USH2A: variants seen among roughly 807,000 people sequenced by gnomAD.
USH2A encodes usherin.
In USH2A, 443 loss-of-function variants were observed where a neutral mutation model predicts 538.9. The ratio of observed to expected loss-of-function variants is 0.82; its 90% CI spans 0.76 to 0.89. The LOEUF is 0.89. USH2A is among the 40% of genes least tolerant of loss of function. The pLI, the probability that USH2A is intolerant of heterozygous loss-of-function variation, is 0.00. For missense variants in USH2A, 6,633 were observed against 6,324.8 expected (o/e 1.05, Z -1.65); for synonymous variants, 2,413 against 2,273.5 (o/e 1.06, Z -1.75).
chr1:215,627,411 TC>T (rs1470187240), intron 71 of USH2A, among the ~76,000 whole-genome samples: 13 of 109,620 alleles, frequency 1.2e-4, no homozygotes, highest in Middle Eastern at 4.0e-3. Flanking sequence ...CTTCCTTCCT[TC>T]CTTCCTTCCT....
chr1:216,014,650 A>C (rs1217646956), intron 32 of USH2A, among the ~76,000 whole-genome samples: 1 of 152,226 alleles, frequency 6.6e-6, no homozygotes, highest in Non-Finnish European at 1.5e-5. Context: ...CATCATTTGC[A>C]TAAGATCAAA....
In USH2A at chr1:215,675,608, G is replaced by A. The variant is rs758511800; in HGVS notation, c.12303C>T (p.Asn4101=). 10 of 1,614,000 alleles carry A rather than the reference G, an allele frequency of 6.2e-6. No homozygotes were observed. The highest frequency in any genetic ancestry group is 1.7e-5 in the Admixed American group (1 of 59,994). ...MRTNGVIKTY[N]IFSDGFLEYS... is the part of the protein sequence containing the mutation. ...ACTCCAGGAACCCGTCACTGAAGAT[G>A]TTGTATGTCTACAGAAGGACAGAAG... Residue 4101 remains asparagine (N), a synonymous_variant, in exon 63 of 72, where the codon AAC becomes AAT. Transcript: ENST00000307340.
At chr1:215,875,093 A>G (rs1016588677) in intron 43 of USH2A, among the ~76,000 whole-genome samples, 2 of 152,110 alleles carry the variant, frequency 1.3e-5, no homozygotes, top group African/African-American at 4.8e-5. Flanking sequence ...AACCAAACAA[A>G]ATCACTTCCT....
chr1:216,008,207 T>G (rs995479815), intron 32 of USH2A, among the ~76,000 whole-genome samples: 1 of 152,072 alleles, frequency 6.6e-6, no homozygotes. Flanking sequence ...CACATCCAGA[T>G]GGCCGGTTCC....
Position 216,000,581 on chromosome 1 carries a change from C to T in USH2A, c.6326-19G>A. ...GCTAAATCTAGGGGATAGGGAGAAA[C>T]AAGAATTTACTCAGCATTATACTTC... is the stretch of plus-strand genomic sequence containing the variant. On this transcript the variant is annotated intron_variant, in intron 32 of 71. Transcript: ENST00000307340. 2 of 1,612,800 alleles carry T rather than the reference C, an allele frequency of 1.2e-6. No homozygotes were observed. The highest frequency in any genetic ancestry group is 1.7e-6 in the Non-Finnish European group (2 of 1,179,116).
chr1:216,030,395 T>TATATA (rs1320527960), intron 32 of USH2A, among the ~76,000 whole-genome samples: 1 of 133,006 alleles, frequency 7.5e-6, no homozygotes, highest in African/African-American at 2.8e-5. Context: ...ACATCACAGA[T>TATATA]ATATATATGA....
chr1:216,371,608 TTATC>T (rs1412348615), intron 3 of USH2A, among the ~76,000 whole-genome samples: 1 of 152,230 alleles, frequency 6.6e-6, no homozygotes, highest in Non-Finnish European at 1.5e-5. Context: ...GCATTTATAT[TTATC>T]TATGTTATAT....
chr1:215,880,724 C>G (rs1664883702), intron 41 of USH2A, among the ~76,000 whole-genome samples: 1 of 152,154 alleles, frequency 6.6e-6, no homozygotes, highest in African/African-American at 2.4e-5. Flanking sequence ...CTAAATTCAA[C>G]CTGACTAATC....
chr1:216,111,555 T>C (rs1452995342), intron 21 of USH2A, among the ~76,000 whole-genome samples: 2 of 151,964 alleles, frequency 1.3e-5, no homozygotes, highest in Admixed American at 6.6e-5. Context: ...ATAATCAGAA[T>C]GATATGACTC....
At chr1:216,323,266 A>C (rs962561933) in intron 8 of USH2A, among the ~76,000 whole-genome samples, 10 of 123,886 alleles carry the variant, frequency 8.1e-5, no homozygotes, top group Non-Finnish European at 1.5e-4. Context: ...ATTTATTTAT[A>C]AAATACGTTT....
At chr1:216,381,295 CA>C (rs2102733704) in intron 3 of USH2A, among the ~76,000 whole-genome samples, 1 of 152,166 alleles carries the variant, frequency 6.6e-6, no homozygotes, top group Non-Finnish European at 1.5e-5. Flanking sequence ...GGTTAAAACT[CA>C]AAGTACATAG....
At chr1:216,356,912 C>T (rs1019837360) in intron 4 of USH2A, among the ~76,000 whole-genome samples, 4 of 152,038 alleles carry the variant, frequency 2.6e-5, no homozygotes, top group African/African-American at 7.2e-5. Flanking sequence ...TTTCCAACAC[C>T]GGTATAATCG....
intron 47 of USH2A, among the ~76,000 whole-genome samples, chr1:215,831,228 G>T (rs1232087555): frequency 6.6e-6 from 1 of 152,130 alleles, no homozygotes; most frequent in Non-Finnish European, 1.5e-5. Context: ...AAGACTAATA[G>T]ATCTGAAGAA....
intron 20 of USH2A, among the ~76,000 whole-genome samples, chr1:216,181,897 C>T (rs922025476): frequency 3.3e-5 from 5 of 152,166 alleles, no homozygotes; most frequent in African/African-American, 9.6e-5. Flanking sequence ...GCATTAAATG[C>T]TGGTGTGACA....
intron 4 of USH2A, among the ~76,000 whole-genome samples, chr1:216,352,075 A>G (rs1287519762): frequency 6.6e-6 from 1 of 152,146 alleles, no homozygotes; most frequent in Non-Finnish European, 1.5e-5. Flanking sequence ...GGGTAGTTTG[A>G]TACATGTAAC....
intron 9 of USH2A, among the ~76,000 whole-genome samples, chr1:216,308,685 G>A (rs1445921568): frequency 1.3e-5 from 2 of 152,060 alleles, no homozygotes; most frequent in African/African-American, 4.8e-5. Context: ...GGTAGAACTT[G>A]CCAATTTCTC....
chr1:215,834,205 A>T (rs868094109), intron 47 of USH2A, among the ~76,000 whole-genome samples: 2 of 152,118 alleles, frequency 1.3e-5, no homozygotes, highest in African/African-American at 2.4e-5. Context: ...CCCACATGAA[A>T]TGAAAATATA....
At chr1:216,010,623 T>C (rs2102491917) in intron 32 of USH2A, among the ~76,000 whole-genome samples, 1 of 152,030 alleles carries the variant, frequency 6.6e-6, no homozygotes, top group Non-Finnish European at 1.5e-5. Context: ...CCTGTTTCCC[T>C]TGCCTCCATA....
intron 49 of USH2A, among the ~76,000 whole-genome samples, chr1:215,806,866 T>C (rs753307002): frequency 1.4e-4 from 21 of 152,066 alleles, no homozygotes; most frequent in Non-Finnish European, 3.1e-4. Flanking sequence ...ATTTTTTTCA[T>C]ATATTCTTGC....
Sources: gnomAD v4.1 joint callset for allele counts (sites outside exome capture counted in the v4.1 genomes callset) on GRCh38, gnomAD v4.1.1 for gene constraint, MANE v1.5 for transcripts, NCBI Gene and HGNC (gene_info 2026-07-23, HGNC 2026-07-21) for gene names.